The following TEX35 variants were observed in gnomAD, a reference collection of about 807,000 sequenced individuals.
TEX35 encodes testis-expressed protein 35.
TEX35 carries 26 observed loss-of-function variants against 31.9 expected under a neutral mutation model. The observed-to-expected ratio is 0.81, with a 90% CI of 0.60 to 1.13. TEX35 has a LOEUF of 1.13. TEX35 is among the 50% of genes most tolerant of loss of function. TEX35 has a pLI of 0.00. For missense variants in TEX35, 278 were observed against 273.5 expected (o/e 1.02, Z -0.12); for synonymous variants, 87 against 90.7 (o/e 0.96, Z 0.23).
Position 178,522,504 on chromosome 1 carries a change from G to C in TEX35, c.*64G>C, listed in dbSNP as rs1472539735. 2.0e-6 allele frequency: 3 copies of C among 1,482,926 alleles called. No individual in the cohort carries two copies. The African/African-American group carries it at 4.2e-5, about 21-fold the overall frequency. 91.9% of individuals were successfully genotyped at this position (1,482,926 alleles called of 1,614,324 possible). On this transcript the variant is annotated 3_prime_UTR_variant, in exon 9 of 9. Coordinates refer to ENST00000319416, the MANE Select transcript of TEX35 (RefSeq NM_032126.5). Reference sequence around the variant, plus strand: ...CAGAGCAAACAGTGTTTCAGAAACTGTCCTGCCCTGGGTGTGATTCTTTGG... The same window carrying C: ...CAGAGCAAACAGTGTTTCAGAAACTCTCCTGCCCTGGGTGTGATTCTTTGG...
chr1:178,513,114 G>A lies in TEX35; in HGVS notation c.-75G>A. ...GGTCACCCTGCCCTCACCTTGACCTGTAAGTTGCCTAGGACAGTGGCCTGG... is the reference window on the plus strand; with the variant it reads ...GGTCACCCTGCCCTCACCTTGACCTATAAGTTGCCTAGGACAGTGGCCTGG... On this transcript the variant is annotated 5_prime_UTR_variant, in exon 1 of 9. Coordinates refer to ENST00000319416, the MANE Select transcript of TEX35 (RefSeq NM_032126.5). 3 of 1,523,884 alleles carry A rather than the reference G, an allele frequency of 2.0e-6. No individual in the cohort carries two copies. Among genetic ancestry groups the A allele is most frequent in the Non-Finnish European group, 2.7e-6 (3 of 1,099,368 alleles). The allele number at this position is 1,523,884 out of a possible 1,614,324, so 94.4% of individuals were successfully genotyped here.
intron 5 of TEX35, among the ~76,000 whole-genome samples, chr1:178,517,334 A>G (rs1650114821): frequency 6.6e-6 from 1 of 152,224 alleles, no homozygotes; most frequent in Non-Finnish European, 1.5e-5. Context: ...AATGAGAATC[A>G]GTTGTGAGAA....
At chr1:178,515,947 G>A (rs771012198) in intron 4 of TEX35, 32 bp downstream of exon 4, 7 of 1,548,298 alleles carry the variant, frequency 4.5e-6, no homozygotes, top group South Asian at 2.2e-5. Context: ...TATCATGGAG[G>A]GAAAGTGTAG....
intron 4 of TEX35, among the ~76,000 whole-genome samples, chr1:178,516,242 C>T (rs924279199): frequency 6.6e-6 from 1 of 152,210 alleles, no homozygotes; most frequent in Non-Finnish European, 1.5e-5. Flanking sequence ...TTATTCACTT[C>T]CCCTGAGCAA....
rs1650011736 is a variant in TEX35, at chr1:178,514,754, A to G, written c.145A>G (p.Thr49Ala). The change falls in exon 3 of 9, where the codon ACA becomes GCA. Residue 49 changes from threonine (T) to alanine (A), a missense_variant. Transcript: ENST00000319416. ...AGGGCGGTTTACCAAAGCAGGAGTG[A>G]CACAGGACCTAAAGGTGAGTGCGTG... is the stretch of plus-strand genomic sequence containing the variant. ...QEGRFTKAGV[T>A]QDLKNELREV... 3 of 1,613,778 alleles carry G rather than the reference A, an allele frequency of 1.9e-6. No individual in the cohort carries two copies. Among genetic ancestry groups the G allele is most frequent in the Non-Finnish European group, 2.5e-6 (3 of 1,179,898 alleles).
intron 5 of TEX35, 83 bp downstream of exon 5, chr1:178,516,757 G>T (rs936739641): frequency 2.2e-6 from 2 of 900,316 alleles, no homozygotes; most frequent in Non-Finnish European, 1.7e-6. Flanking sequence ...TGCCCTCCAG[G>T]AGCTTATTAT....
rs779764320 is a variant in TEX35, at chr1:178,516,687, T to G, written c.276+13T>G. ...GGAAATTATGAAGGTAAGCATTACT[T>G]GAGTGCCTTCCATGGGCCAGTACCA... On this transcript the variant is annotated intron_variant, in intron 5 of 8. Transcript: ENST00000319416. 6.3e-7 allele frequency: 1 copy of G among 1,598,970 alleles called. No individual in the cohort carries two copies. The highest frequency in any genetic ancestry group is 1.1e-5 in the South Asian group (1 of 89,542).
At chr1:178,517,296 G>A (rs989585221) in intron 5 of TEX35, among the ~76,000 whole-genome samples, 6 of 152,298 alleles carry the variant, frequency 3.9e-5, no homozygotes, top group African/African-American at 7.2e-5. Flanking sequence ...GATAGATAAC[G>A]CCTCAACAGC....
Position 178,515,888 on chromosome 1 carries a change from C to G in TEX35, c.189C>G (p.Leu63=). Residue 63 remains leucine, a synonymous_variant, in exon 4 of 9, where the codon CTC becomes CTG. Transcript: ENST00000319416. The part of the protein sequence containing the change: ...KNELREVREE[L]KEKMEEIKQI... The stretch of plus-strand genomic sequence containing the variant: ...AACTCAGGGAAGTGAGAGAAGAGCT[C>G]AAGGAGAAAATGGAGGAGATAAAAC... 6.2e-7 allele frequency: 1 copy of G among 1,612,566 alleles called. No individual in the cohort carries two copies. The highest frequency in any genetic ancestry group is 8.5e-7 in the Non-Finnish European group (1 of 1,179,096).
chr1:178,516,863 A>G (rs1275208308), intron 5 of TEX35, among the ~76,000 whole-genome samples, 189 bp downstream of exon 5: 1 of 152,238 alleles, frequency 6.6e-6, no homozygotes, highest in Non-Finnish European at 1.5e-5. Context: ...ATGAGAAATG[A>G]ATGCGGGTTG....
At position 178,514,766 on chromosome 1, in the gene TEX35, A is replaced by G; in HGVS notation, c.157A>G (p.Lys53Glu). ...CAAAGCAGGAGTGACACAGGACCTAAAGGTGAGTGCGTGAACTTGGAGGCA... is the reference window on the plus strand; with the variant it reads ...CAAAGCAGGAGTGACACAGGACCTAGAGGTGAGTGCGTGAACTTGGAGGCA... ...FTKAGVTQDL[K>E]NELREVREEL... The change falls in exon 3 of 9, where the codon AAG becomes GAG. Residue 53 changes from lysine (K) to glutamate (E), a missense_variant and splice_region_variant. Physicochemically the swap from Lys to Glu is moderately conservative, Grantham distance 56. Transcript: ENST00000319416. 6.2e-7 allele frequency: 1 copy of G among 1,613,506 alleles called. No individual in the cohort carries two copies. The highest frequency in any genetic ancestry group is 8.5e-7 in the Non-Finnish European group (1 of 1,179,696).
chr1:178,514,653 G>A (rs777887129), intron 2 of TEX35, 47 bp from the exon 3 acceptor site: 29 of 1,575,390 alleles, frequency 1.8e-5, no homozygotes, highest in Middle Eastern at 1.7e-4. Flanking sequence ...CACTTCCACC[G>A]CCCATCTGCA....
At chr1:178,520,596 C>T (rs746423519) in intron 6 of TEX35, 77 bp from the exon 7 acceptor site, 46 of 1,591,516 alleles carry the variant, frequency 2.9e-5, no homozygotes, top group South Asian at 1.1e-4. Flanking sequence ...CATGGCCACC[C>T]GTGTACTGGT....
At chr1:178,522,650 C>CTTT (rs60079347), downstream of TEX35, 201 of 1,200,190 alleles carry the variant, frequency 1.7e-4, no homozygotes, top group Middle Eastern at 3.2e-4. Context: ...TGGCCAAGTT[C>CTTT]TTTTTTTTTG....
chr1:178,514,319 G>A, intron 2 of TEX35: 3 of 1,344,918 alleles, frequency 2.2e-6, no homozygotes, highest in Non-Finnish European at 3.0e-6. Flanking sequence ...AGACATGTCT[G>A]AGTGGCTGCC....
chr1:178,522,145 G>T, intron 8 of TEX35, 180 bp from the exon 9 acceptor site: 2 of 849,116 alleles, frequency 2.4e-6, no homozygotes, highest in Non-Finnish European at 3.5e-6. Context: ...AGGGTGTCTT[G>T]GGTGATGCAG....
downstream of TEX35, chr1:178,522,710 T>C (rs2101899367): frequency 9.2e-7 from 1 of 1,091,202 alleles, no homozygotes; most frequent in Non-Finnish European, 1.1e-6. Context: ...GGTGTATATA[T>C]TTATGGGGTA....
intron 3 of TEX35, 136 bp from the exon 4 acceptor site, chr1:178,515,723 C>T (rs889728425): frequency 8.6e-6 from 6 of 697,912 alleles, no homozygotes; most frequent in Admixed American, 5.1e-5. Flanking sequence ...ATTGTCTCAA[C>T]AACATCTTTT....
rs762645820 is a variant in TEX35 at position 178,520,670 on chromosome 1, C to A, written c.342-3C>A. ...CTGCCCCTCCCTGGCCCTCCTCCCC[C>A]AGTCCCCTTAGAAGAGCACCAAAGG... On this transcript the variant is annotated splice_region_variant and splice_polypyrimidine_tract_variant and intron_variant, in intron 6 of 8. Transcript: ENST00000319416. The A allele has an allele frequency of 2.4e-5, 39 of 1,613,416 alleles. No homozygotes were observed. The highest frequency in any genetic ancestry group is 3.3e-5 in the Non-Finnish European group (39 of 1,179,758).
Sources: allele counts gnomAD v4.1 joint callset (sites outside exome capture counted in the v4.1 genomes callset), GRCh38; gene constraint gnomAD v4.1.1; transcripts MANE v1.5; gene names NCBI Gene and HGNC (gene_info 2026-07-23, HGNC 2026-07-21).